MEF2C: variants seen among roughly 807,000 people sequenced by gnomAD.
MEF2C encodes myocyte-specific enhancer factor 2C.
Under a neutral mutation model 50.5 loss-of-function variants are expected in MEF2C, and 6 were observed. That is an observed-to-expected ratio of 0.12 (90% confidence interval 0.07 to 0.23). The LOEUF (loss-of-function observed/expected upper bound fraction) is 0.23, where lower values mean the gene tolerates loss of function less well. Ranked by LOEUF, MEF2C falls within the 10% of genes least tolerant of loss-of-function variation. MEF2C has a pLI of 1.00. For synonymous variants in MEF2C, 183 were observed against 228.0 expected (o/e 0.80, Z 1.78); for missense variants, 276 against 605.0 (o/e 0.46, Z 5.70).
rs909998525 is a variant in MEF2C, at chr5:88,766,882, C to T, written c.259-5554G>A. 7 of 930,606 alleles carry T rather than the reference C, an allele frequency of 7.5e-6. No individual in the cohort carries two copies. The African/African-American group carries it at 8.9e-5, about 12-fold the overall frequency. The allele number at this position is 930,606 out of a possible 1,614,324, so 57.6% of individuals were successfully genotyped here. On this transcript the variant is annotated intron_variant, in intron 3 of 10. Coordinates refer to ENST00000504921, the MANE Select transcript of MEF2C (RefSeq NM_002397.5). Reference sequence around the variant, plus strand: ...AAAAGGTAGTTTCCTTTCCTCTGATCCTGAATCATTTTTTTGCTTGTCGTT... The same window carrying T: ...AAAAGGTAGTTTCCTTTCCTCTGATTCTGAATCATTTTTTTGCTTGTCGTT...
intron 6 of MEF2C, chr5:88,734,405 A>C: frequency 1.0e-6 from 1 of 985,280 alleles, no homozygotes; most frequent in Non-Finnish European, 1.2e-6. Context: ...GAAGAAACTA[A>C]AACCCCAGCT....
intron 2 of MEF2C, among the ~76,000 whole-genome samples, chr5:88,809,380 G>C (rs1274933264): frequency 6.6e-6 from 1 of 152,064 alleles, no homozygotes; most frequent in Non-Finnish European, 1.5e-5. Flanking sequence ...AGCATTTTCC[G>C]CATGTCAAAC....
intron 2 of MEF2C, among the ~76,000 whole-genome samples, chr5:88,806,850 C>T: frequency 6.6e-6 from 1 of 152,156 alleles, no homozygotes; most frequent in East Asian, 1.9e-4. Flanking sequence ...AGCGCATGCT[C>T]CACAAGGGTA....
At chr5:88,864,082 G>A (rs763441373) in intron 1 of MEF2C, among the ~76,000 whole-genome samples, 1 of 151,088 alleles carries the variant, frequency 6.6e-6, no homozygotes, top group Non-Finnish European at 1.5e-5. Context: ...TTGGCCTCCC[G>A]AAGTGCTGGG....
intron 1 of MEF2C, among the ~76,000 whole-genome samples, chr5:88,869,278 C>CACATATAT (rs1828563733): frequency 2.1e-5 from 1 of 48,602 alleles, no homozygotes; most frequent in Non-Finnish European, 4.3e-5. Context: ...TATATATATA[C>CACATATAT]ATATATATAT....
At chr5:88,833,975 C>G (rs1186113637) in intron 1 of MEF2C, among the ~76,000 whole-genome samples, 1 of 152,074 alleles carries the variant, frequency 6.6e-6, no homozygotes. Context: ...AGCTAAATGG[C>G]CTTCAGGATG....
chr5:88,730,379 T>G, intron 7 of MEF2C, 145 bp from the exon 8 acceptor site: 4 of 860,838 alleles, frequency 4.6e-6, no homozygotes, highest in Non-Finnish European at 7.5e-6. Context: ...AGATAACTCC[T>G]TACAAAGACA....
chr5:88,752,725 C>T (rs1005863621), intron 4 of MEF2C: 1 of 985,268 alleles, frequency 1.0e-6, no homozygotes, highest in African/African-American at 1.7e-5. Context: ...TGAAAGTTGG[C>T]AAATATTTAG....
chr5:88,846,296 G>A (rs1819324649), intron 1 of MEF2C, among the ~76,000 whole-genome samples: 1 of 152,096 alleles, frequency 6.6e-6, no homozygotes, highest in African/African-American at 2.4e-5. Context: ...TTGAAGTCCT[G>A]ACCTCAGATG....
chr5:88,755,052 C>T (rs974737690), intron 4 of MEF2C, among the ~76,000 whole-genome samples: 4 of 152,184 alleles, frequency 2.6e-5, no homozygotes, highest in Non-Finnish European at 5.9e-5. Context: ...ATCCTGATCT[C>T]TTTCTCCTGC....
intron 3 of MEF2C, among the ~76,000 whole-genome samples, chr5:88,798,983 G>A (rs948367174): frequency 6.6e-6 from 1 of 152,220 alleles, no homozygotes; most frequent in African/African-American, 2.4e-5. Flanking sequence ...CTGGAGAACA[G>A]CAAAGATTGC....
chr5:88,783,126 AC>A (rs1475019123), intron 3 of MEF2C, among the ~76,000 whole-genome samples: 2 of 152,084 alleles, frequency 1.3e-5, no homozygotes, highest in Non-Finnish European at 2.9e-5. Context: ...GCCTGTCCTG[AC>A]CTTTTAAACT....
intron 1 of MEF2C, among the ~76,000 whole-genome samples, chr5:88,896,331 C>CT (rs1215865967): frequency 6.6e-6 from 1 of 152,210 alleles, no homozygotes; most frequent in Non-Finnish European, 1.5e-5. Flanking sequence ...CAGACTTACC[C>CT]TGTGTGCTCT....
At chr5:88,737,859 A>G in intron 6 of MEF2C, 1 of 985,336 alleles carries the variant, frequency 1.0e-6, no homozygotes, top group Non-Finnish European at 1.2e-6. Flanking sequence ...CTTTTACCAA[A>G]TTTTATACTC....
chr5:88,889,250 A>C (rs1325389382), intron 1 of MEF2C: 2 of 152,400 alleles, frequency 1.3e-5, no homozygotes, highest in East Asian at 3.9e-4. Flanking sequence ...ATTTGTGTGA[A>C]AAGTGAATCC....
At chr5:88,775,170 G>T (rs1224193154) in intron 3 of MEF2C, among the ~76,000 whole-genome samples, 1 of 152,208 alleles carries the variant, frequency 6.6e-6, no homozygotes, top group Non-Finnish European at 1.5e-5. Flanking sequence ...GACATCAAAA[G>T]TGCCAGTAGC....
At position 88,722,630 on chromosome 5, in the gene MEF2C, G is replaced by T; in HGVS notation, c.1396C>A (p.Arg466=). The T allele has an allele frequency of 6.2e-7, 1 of 1,612,444 alleles. No homozygotes were observed. The highest frequency in any genetic ancestry group is 8.5e-7 in the Non-Finnish European group (1 of 1,179,126). ...ERESPSVKRM[R]LSEGWAT is the part of the protein sequence containing the mutation. ...CATGTTGCCCATCCTTCAGAAAGTC[G>T]CATGCGCTTGACTGAGGGACTTTCC... Residue 466 remains arginine, a synonymous_variant, in exon 11 of 11, where the codon CGA becomes AGA. Coordinates refer to ENST00000504921, the MANE Select transcript of MEF2C (RefSeq NM_002397.5).
At chr5:88,837,629 GAAAAC>G (rs150898777) in intron 1 of MEF2C, among the ~76,000 whole-genome samples, 19 of 152,010 alleles carry the variant, frequency 1.2e-4, no homozygotes, top group African/African-American at 2.2e-4. Context: ...AATAAAGGAG[GAAAAC>G]AAAACAAAAC....
chr5:88,727,046 T>C (rs940261405), intron 10 of MEF2C, among the ~76,000 whole-genome samples: 1 of 152,156 alleles, frequency 6.6e-6, no homozygotes, highest in African/African-American at 2.4e-5. Context: ...GTGGATTCCC[T>C]GCTAAGCCAT....
Sources: gnomAD v4.1 joint callset for allele counts (sites outside exome capture counted in the v4.1 genomes callset) on GRCh38, gnomAD v4.1.1 for gene constraint, MANE v1.5 for transcripts, NCBI Gene and HGNC (gene_info 2026-07-23, HGNC 2026-07-21) for gene names.